CLSTN1: variants seen among roughly 807,000 people sequenced by gnomAD.
The protein encoded by CLSTN1 is calsyntenin-1.
CLSTN1 carries 28 observed loss-of-function variants against 108.3 expected under a neutral mutation model. The ratio of observed to expected loss-of-function variants is 0.26; its 90% CI spans 0.19 to 0.35. The LOEUF (loss-of-function observed/expected upper bound fraction) is 0.35. CLSTN1 is among the 10% of genes least tolerant of loss of function. CLSTN1 has a pLI of 1.00. For missense variants in CLSTN1, 1,157 were observed against 1,302.6 expected (o/e 0.89, Z 1.72); for synonymous variants, 524 against 534.9 (o/e 0.98, Z 0.28).
chr1:9,738,171 A>G (rs1374714653), intron 10 of CLSTN1, among the ~76,000 whole-genome samples: 1 of 152,132 alleles, frequency 6.6e-6, no homozygotes, highest in Non-Finnish European at 1.5e-5. Context: ...AGGCTAAGGA[A>G]CCCACCTAGG....
Position 9,728,942 on chromosome 1 carries a change from T to TTATG in CLSTN1, c.*1562_*1565dup, listed in dbSNP as rs1650135511. ...AAAGAAAAAGCCTTTTTATGTTCTT[T>TTATG]TATGTTCTCGGCTCAAAAAGAAACA... On this transcript the variant is annotated 3_prime_UTR_variant, in exon 19 of 19. Transcript: ENST00000377298. 2.6e-5 allele frequency: 4 copies of TTATG among 152,334 alleles called. No individual in the cohort carries two copies. Among genetic ancestry groups the TTATG allele is most frequent in the Admixed American group, 2.6e-4 (4 of 15,302 alleles). The allele number at this position is 152,334 out of a possible 1,614,324, so 9.4% of individuals were successfully genotyped here.
At chr1:9,765,332 T>G (rs1003822429) in intron 2 of CLSTN1, among the ~76,000 whole-genome samples, 1 of 151,712 alleles carries the variant, frequency 6.6e-6, no homozygotes, top group African/African-American at 2.4e-5. Flanking sequence ...TGCGGTGAGC[T>G]GAGATCGCGT....
Position 9,735,614 on chromosome 1 carries a change from A to G in CLSTN1, c.1736T>C (p.Ile579Thr), listed in dbSNP as rs1215228013. Reference sequence around the variant, plus strand: ...TACCAACTGGCTGGGGTGTGCTTGGATCTGAAATCACACCAGCCACAGAGA... The same window carrying G: ...TACCAACTGGCTGGGGTGTGCTTGGGTCTGAAATCACACCAGCCACAGAGA... ...VLEDSGRGVQIQAHPSQLVLT... is the reference protein window; with the variant it reads ...VLEDSGRGVQTQAHPSQLVLT... The change falls in exon 13 of 19, where the codon ATC (isoleucine) becomes ACC (threonine). Residue 579 changes from isoleucine (I) to threonine (T), a missense_variant and splice_region_variant. Ile to Thr is a moderately conservative substitution (Grantham distance 89, BLOSUM62 -1). Transcript: ENST00000377298. 1.2e-6 allele frequency: 2 copies of G among 1,613,874 alleles called. No individual in the cohort carries two copies. Among genetic ancestry groups the G allele is most frequent in the Non-Finnish European group, 1.7e-6 (2 of 1,180,000 alleles).
At chr1:9,780,969 T>A in intron 1 of CLSTN1, 1 of 455,540 alleles carries the variant, frequency 2.2e-6, no homozygotes, top group Non-Finnish European at 3.9e-6. Flanking sequence ...AGGTGTGGAA[T>A]TTTCCACTGT....
At position 9,771,657 on chromosome 1, in the gene CLSTN1, G is replaced by A. The variant is rs574444522; in HGVS notation, c.214+1615C>T. Among the ~76,000 whole-genome samples, 127 of 152,148 alleles carry A rather than the reference G, an allele frequency of 8.3e-4. 1 individual carries two copies. Among genetic ancestry groups the A allele is most frequent in the African/African-American group, 3.0e-3 (124 of 41,538 alleles). ...GGGAAAAAGCAAAAATAATCACCCTGGCAACTGGACAAATGCTGTGTGTGT... is the reference window on the plus strand; with the variant it reads ...GGGAAAAAGCAAAAATAATCACCCTAGCAACTGGACAAATGCTGTGTGTGT... On this transcript the variant is annotated intron_variant, in intron 2 of 18. Coordinates refer to ENST00000377298, the MANE Select transcript of CLSTN1 (RefSeq NM_001009566.3).
intron 2 of CLSTN1, among the ~76,000 whole-genome samples, chr1:9,762,060 T>C (rs1175163703): frequency 6.6e-6 from 1 of 152,116 alleles, no homozygotes; most frequent in African/African-American, 2.4e-5. Context: ...CCACTCACCA[T>C]TCAAACTTCA....
intron 9 of CLSTN1, among the ~76,000 whole-genome samples, chr1:9,743,469 T>A (rs1248498884): frequency 6.6e-6 from 1 of 152,192 alleles, no homozygotes; most frequent in Non-Finnish European, 1.5e-5. Context: ...CTCATAAAAT[T>A]ATAAATATAC....
chr1:9,767,886 TAAC>T (rs1384817760), intron 2 of CLSTN1, among the ~76,000 whole-genome samples: 2 of 152,180 alleles, frequency 1.3e-5, no homozygotes, highest in African/African-American at 4.8e-5. Context: ...TTAGTAGTAA[TAAC>T]AGCAGCGGCA....
chr1:9,758,263 G>C (rs1651912530), intron 2 of CLSTN1, among the ~76,000 whole-genome samples: 1 of 152,114 alleles, frequency 6.6e-6, no homozygotes, highest in Non-Finnish European at 1.5e-5. Context: ...AAAGTGCTGG[G>C]ATTACAGGCG....
Position 9,749,773 on chromosome 1 carries a change from C to T in CLSTN1, c.790G>A (p.Gly264Arg), listed in dbSNP as rs1319666461. The change falls in exon 6 of 19, where the codon GGG becomes AGG. Residue 264 changes from glycine (G) to arginine (R), a missense_variant. Physicochemically the swap from Gly to Arg is moderately radical, Grantham distance 125. Coordinates refer to ENST00000377298, the MANE Select transcript of CLSTN1 (RefSeq NM_001009566.3). Reference sequence around the variant, plus strand: ...AGAGAATGAAGCTCACCTTGCCACCCAGGGGTGCAGGTGGGCTTAATGCTG... The same window carrying T: ...AGAGAATGAAGCTCACCTTGCCACCTAGGGGTGCAGGTGGGCTTAATGCTG... ...KISIKPTCTP[G>R]WQGWNNRIEY... The T allele has an allele frequency of 6.2e-7, 1 of 1,614,094 alleles. No homozygotes were observed. Among genetic ancestry groups the T allele is most frequent in the East Asian group, 2.2e-5 (1 of 44,890 alleles).
intron 2 of CLSTN1, among the ~76,000 whole-genome samples, chr1:9,763,439 A>G (rs1051396654): frequency 1.3e-5 from 2 of 152,188 alleles, no homozygotes; most frequent in African/African-American, 4.8e-5. Context: ...TGGTGGTTCT[A>G]GGGGCAGAGC....
chr1:9,756,890 T>C (rs942175352), intron 2 of CLSTN1, among the ~76,000 whole-genome samples: 2 of 151,994 alleles, frequency 1.3e-5, no homozygotes, highest in African/African-American at 4.8e-5. Flanking sequence ...ACCATTCTCC[T>C]GCCTCAGCCT....
intron 1 of CLSTN1, among the ~76,000 whole-genome samples, chr1:9,808,197 C>T (rs754036960): frequency 5.3e-5 from 8 of 152,188 alleles, no homozygotes; most frequent in Admixed American, 1.3e-4. Context: ...TTCCCATATG[C>T]GGGTGTCACA....
intron 10 of CLSTN1, among the ~76,000 whole-genome samples, chr1:9,738,836 G>A (rs10779730): frequency 0.22 from 32,765 of 151,816 alleles, 7,114 homozygotes; most frequent in African/African-American, 0.55. Flanking sequence ...TTTAGTAGAG[G>A]CAGAGTTTCA....
intron 1 of CLSTN1, among the ~76,000 whole-genome samples, chr1:9,779,744 A>T (rs983881984): frequency 5.3e-5 from 8 of 152,162 alleles, no homozygotes; most frequent in Non-Finnish European, 1.2e-4. Context: ...CTATGAAAAT[A>T]AACCATGCTA....
chr1:9,757,208 C>T (rs1397471486), intron 2 of CLSTN1, among the ~76,000 whole-genome samples: 4 of 151,580 alleles, frequency 2.6e-5, no homozygotes, highest in African/African-American at 9.7e-5. Flanking sequence ...TTCAACTCAT[C>T]AGTAGATTTA....
chr1:9,808,524 T>A (rs1002263971), intron 1 of CLSTN1, among the ~76,000 whole-genome samples: 1 of 152,048 alleles, frequency 6.6e-6, no homozygotes, highest in African/African-American at 2.4e-5. Flanking sequence ...CCTTTCCAAA[T>A]CAGAAATGGC....
At chr1:9,773,440 A>G (rs763311625) in intron 1 of CLSTN1, 46 bp from the exon 2 acceptor site, 1 of 1,532,500 alleles carries the variant, frequency 6.5e-7, no homozygotes, top group Admixed American at 2.1e-5. Flanking sequence ...TAGAAATATT[A>G]TTTTCAACTC....
intron 1 of CLSTN1, among the ~76,000 whole-genome samples, chr1:9,785,207 C>A (rs539382949): frequency 6.6e-6 from 1 of 152,106 alleles, no homozygotes; most frequent in African/African-American, 2.4e-5. Flanking sequence ...AGGGTTTCAC[C>A]ATGTTGGCCA....
Sources: gnomAD v4.1 joint callset for allele counts (sites outside exome capture counted in the v4.1 genomes callset) on GRCh38, gnomAD v4.1.1 for gene constraint, MANE v1.5 for transcripts, NCBI Gene and HGNC (gene_info 2026-07-23, HGNC 2026-07-21) for gene names.